ARL2BP: variants seen among roughly 807,000 people sequenced by gnomAD.
ARL2BP encodes the protein ADP-ribosylation factor-like protein 2-binding protein.
A neutral mutation model predicts 24.2 loss-of-function variants in ARL2BP; 19 were observed. That is an observed-to-expected ratio of 0.79 (90% CI 0.55 to 1.15). The LOEUF (loss-of-function observed/expected upper bound fraction) is 1.15. Ranked by LOEUF, ARL2BP falls within the 50% of genes most tolerant of loss-of-function variation. ARL2BP has a pLI of 0.00. For missense variants in ARL2BP, 160 were observed against 190.4 expected, an observed-to-expected ratio of 0.84 and a Z score of 0.94; for synonymous variants, 56 against 70.5, an observed-to-expected ratio of 0.79 and a Z score of 1.03.
chr16:57,249,468 T>G (rs1408782904), intron 3 of ARL2BP: 2 of 362,742 alleles, frequency 5.5e-6, no homozygotes, highest in African/African-American at 4.2e-5. Flanking sequence ...AAGCCCCCAC[T>G]TACTGCATCC....
In ARL2BP at chr16:57,249,797, C is replaced by A; in HGVS notation, c.238C>A (p.Gln80Lys). The A allele has an allele frequency of 6.2e-7, 1 of 1,614,212 alleles. No individual in the cohort carries two copies. Among genetic ancestry groups the A allele is most frequent in the Non-Finnish European group, 8.5e-7 (1 of 1,180,014 alleles). Residue 80 changes from glutamine (Q) to lysine (K), a missense_variant, in exon 4 of 6, where the codon CAG becomes AAG. By Grantham distance (53) the Gln-to-Lys change is moderately conservative. Transcript: ENST00000219204. ...TTTGGTAGAAAAATACATTGAAGAA[C>A]AGCTGCTGCAGCGGATTCCTGAGTT... ...ISLVEKYIEE[Q>K]LLQRIPEFNM...
At position 57,253,057 on chromosome 16, in the gene ARL2BP, GTGTT is replaced by G. The variant is rs1258137016; in HGVS notation, c.*795_*798del. ...GTATTATATGCTGTGTGCTTTTTAG[GTGTT>G]TGTTAGTACTGTGAAGGCAAAAATG... On this transcript the variant is annotated 3_prime_UTR_variant, in exon 6 of 6. Transcript: ENST00000219204. The G allele has an allele frequency of 3.9e-5, 6 of 152,602 alleles. No homozygotes were observed. The highest frequency in any genetic ancestry group is 1.2e-4 in the African/African-American group (5 of 41,432). The allele number at this position is 152,602 out of a possible 1,614,324, so 9.5% of individuals were successfully genotyped here.
chr16:57,249,515 C>T, intron 3 of ARL2BP: 1 of 505,190 alleles, frequency 2.0e-6, no homozygotes, highest in Non-Finnish European at 3.6e-6. Flanking sequence ...GTGCTACTCA[C>T]TGTCTCCACC....
In ARL2BP at chr16:57,250,441, A is replaced by G. The variant is rs1388203850; in HGVS notation, c.324A>G (p.Ile108Met). 3 of 1,614,234 alleles carry G rather than the reference A, an allele frequency of 1.9e-6. No individual in the cohort carries two copies. The highest frequency in any genetic ancestry group is 3.3e-5 in the Admixed American group (2 of 60,018). Reference protein sequence around the residue: ...QHHKDEVAGDIFDMLLTFTDF... With the variant: ...QHHKDEVAGDMFDMLLTFTDF... ...ATAAGGATGAAGTGGCTGGTGACAT[A>G]TTCGACATGCTGCTCACCTTCACAG... Residue 108 changes from isoleucine to methionine, a missense_variant, in exon 5 of 6, where the codon ATA becomes ATG. Coordinates refer to ENST00000219204, the MANE Select transcript of ARL2BP (RefSeq NM_012106.4).
At position 57,250,531 on chromosome 16, in the gene ARL2BP, T is replaced by C. The variant is rs1481255482; in HGVS notation, c.390+24T>C. The C allele has an allele frequency of 2.5e-6, 4 of 1,590,682 alleles. No individual in the cohort carries two copies. In the African/African-American group the frequency reaches 5.4e-5, roughly 21 times the overall value. On this transcript the variant is annotated intron_variant, in intron 5 of 5. Coordinates refer to ENST00000219204, the MANE Select transcript of ARL2BP (RefSeq NM_012106.4). ...CAGTAAGTTACTACTCCTATTTATT[T>C]AGCCACTTTGAGCCACTTAGAAAAT... is the stretch of plus-strand genomic sequence containing the variant.
At chr16:57,247,506 G>A (rs2146427208) in intron 2 of ARL2BP, 1 of 151,790 alleles carries the variant, frequency 6.6e-6, no homozygotes, top group African/African-American at 2.4e-5. Flanking sequence ...GCACCATAGG[G>A]AGAACCCTGT....
chr16:57,249,644 A>C, intron 3 of ARL2BP, 123 bp from the exon 4 acceptor site: 1 of 744,706 alleles, frequency 1.3e-6, no homozygotes, highest in Admixed American at 2.1e-5. Flanking sequence ...TATCCTTGGC[A>C]CTCAGTGTAG....
intron 2 of ARL2BP, chr16:57,247,600 C>T (rs1469906344): frequency 6.6e-6 from 1 of 152,152 alleles, no homozygotes; most frequent in Non-Finnish European, 1.5e-5. Flanking sequence ...GAATTCTCAT[C>T]TAAATTCCAC....
rs199762075 is a variant in ARL2BP, at chr16:57,246,135, A to G, written c.94A>G (p.Ile32Val). 1 of 1,614,016 alleles carries G rather than the reference A, an allele frequency of 6.2e-7. No individual in the cohort carries two copies. The highest frequency in any genetic ancestry group is 8.5e-7 in the Non-Finnish European group (1 of 1,179,880). Residue 32 changes from isoleucine (I) to valine (V), a missense_variant, in exon 2 of 6, where the codon ATC becomes GTC. Physicochemically the swap from Ile to Val is conservative, Grantham distance 29 (BLOSUM62 3). Transcript: ENST00000219204. Reference protein sequence around the residue: ...DAVVGYLEDIIMDDEFQLLQR... With the variant: ...DAVVGYLEDIVMDDEFQLLQR... ...TGTGGTTGGATATTTAGAGGACATT[A>G]TCATGGGTAAGCTTTTAAGATACTG...
Sources: allele counts gnomAD v4.1 joint callset, GRCh38; gene constraint gnomAD v4.1.1; transcripts MANE v1.5; gene names NCBI Gene and HGNC (gene_info 2026-07-23, HGNC 2026-07-21).